PLPP4: variants seen among roughly 807,000 people sequenced by gnomAD.
PLPP4 encodes the protein phospholipid phosphatase 4.
PLPP4 carries 20 observed loss-of-function variants against 32.2 expected under a neutral mutation model. That is an observed-to-expected ratio of 0.62 (90% CI 0.44 to 0.90). The LOEUF is 0.90. Among genes scored for constraint, PLPP4 ranks in the 40% least tolerant of loss-of-function variants. The pLI is 0.00. For synonymous variants in PLPP4, 127 were observed against 133.0 expected (o/e 0.95, Z 0.31); for missense variants, 257 against 353.1 (o/e 0.73, Z 2.18).
At chr10:120,538,518 G>T (rs2420724) in intron 5 of PLPP4, among the ~76,000 whole-genome samples, 82,032 of 151,780 alleles carry the variant, frequency 0.54, 23,373 homozygotes, top group Non-Finnish European at 0.64. Flanking sequence ...CGTTTTTGGA[G>T]AATGACATTC....
chr10:120,517,441 G>A (rs183153747), intron 3 of PLPP4, among the ~76,000 whole-genome samples: 1 of 152,318 alleles, frequency 6.6e-6, no homozygotes, highest in East Asian at 1.9e-4. Flanking sequence ...TTTGAGGAAG[G>A]AAGGATCTGT....
chr10:120,527,543 G>C (rs1846459713), intron 5 of PLPP4, among the ~76,000 whole-genome samples: 1 of 152,196 alleles, frequency 6.6e-6, no homozygotes, highest in African/African-American at 2.4e-5. Context: ...GTGTTTGACT[G>C]AACAACTGGC....
intron 5 of PLPP4, among the ~76,000 whole-genome samples, chr10:120,543,315 C>T (rs915893422): frequency 9.9e-5 from 15 of 152,172 alleles, no homozygotes; most frequent in African/African-American, 2.9e-4. Context: ...AGAGGAGGGA[C>T]AGAGCCCAGG....
chr10:120,475,411 C>T (rs948643113), intron 1 of PLPP4, among the ~76,000 whole-genome samples: 1 of 152,174 alleles, frequency 6.6e-6, no homozygotes, highest in Non-Finnish European at 1.5e-5. Flanking sequence ...GGGTTCTGCA[C>T]ATTTGGCCTT....
intron 5 of PLPP4, among the ~76,000 whole-genome samples, chr10:120,565,766 A>AT (rs1848666744): frequency 1.3e-5 from 2 of 151,450 alleles, no homozygotes; most frequent in African/African-American, 4.9e-5. Context: ...CTTCTTCTCC[A>AT]TTTTCTCTAT....
intron 1 of PLPP4, among the ~76,000 whole-genome samples, chr10:120,473,811 T>TC (rs1205883936): frequency 1.3e-5 from 2 of 152,168 alleles, no homozygotes; most frequent in East Asian, 3.9e-4. Flanking sequence ...TGTGCTCGCT[T>TC]CCCCTTTGCC....
chr10:120,551,842 CTT>C (rs1847916040), intron 5 of PLPP4, among the ~76,000 whole-genome samples: 1 of 152,144 alleles, frequency 6.6e-6, no homozygotes, highest in East Asian at 1.9e-4. Context: ...TTTTAATGCT[CTT>C]TGCATAAGTT....
intron 1 of PLPP4, among the ~76,000 whole-genome samples, chr10:120,502,491 T>C (rs1453709721): frequency 6.6e-6 from 1 of 152,090 alleles, no homozygotes; most frequent in Non-Finnish European, 1.5e-5. Flanking sequence ...AAGTCCCAAA[T>C]AGATGTTAAC....
At chr10:120,480,494 T>C (rs1403462173) in intron 1 of PLPP4, among the ~76,000 whole-genome samples, 2 of 152,132 alleles carry the variant, frequency 1.3e-5, no homozygotes, top group Non-Finnish European at 2.9e-5. Context: ...TATTGAATAA[T>C]AGAATCAGGA....
chr10:120,579,658 C>A (rs1488451289), intron 6 of PLPP4, among the ~76,000 whole-genome samples: 1 of 152,180 alleles, frequency 6.6e-6, no homozygotes, highest in Non-Finnish European at 1.5e-5. Flanking sequence ...TGGCATTCTA[C>A]AACTCACAGG....
intron 5 of PLPP4, among the ~76,000 whole-genome samples, chr10:120,538,052 C>CTGTGTGTGTGTGTG (rs972974599): frequency 0.026 from 501 of 18,974 alleles, 48 homozygotes; most frequent in Middle Eastern, 0.091. Flanking sequence ...CTCTCTCTCT[C>CTGTGTGTGTGTGTG]TGTGTGTGTG....
intron 6 of PLPP4, 38 bp downstream of exon 6, chr10:120,575,339 G>T (rs1254381837): frequency 2.1e-5 from 33 of 1,593,542 alleles, no homozygotes; most frequent in Non-Finnish European, 2.8e-5. Context: ...TCCTCACTGT[G>T]GTTGCCCCTC....
Position 120,575,212 on chromosome 10 carries a change from G to T in PLPP4, c.527G>T (p.Ser176Ile). The T allele has an allele frequency of 6.2e-7, 1 of 1,614,090 alleles. No individual in the cohort carries two copies. Among genetic ancestry groups the T allele is most frequent in the Non-Finnish European group, 8.5e-7 (1 of 1,180,046 alleles). The change falls in exon 6 of 7, where the codon AGC becomes ATC. Residue 176 changes from serine (S) to isoleucine (I), a missense_variant. By Grantham distance (142) the Ser-to-Ile change is moderately radical. Transcript: ENST00000398250. Reference sequence around the variant, plus strand: ...TTCACCGAGAGTGGGCGGGGAAAGAGCTGGCGGCTCTGTGCTGCCATCCTG... The same window carrying T: ...TTCACCGAGAGTGGGCGGGGAAAGATCTGGCGGCTCTGTGCTGCCATCCTG... ...HCFTESGRGKSWRLCAAILPL... is the reference protein window; with the variant it reads ...HCFTESGRGKIWRLCAAILPL...
intron 5 of PLPP4, among the ~76,000 whole-genome samples, chr10:120,534,182 T>G (rs1213747726): frequency 2.6e-5 from 4 of 152,108 alleles, no homozygotes; most frequent in Non-Finnish European, 4.4e-5. Context: ...TAGTTTTTGT[T>G]TCTCTGGGAA....
Position 120,563,806 on chromosome 10 carries a change from CAAAAAAAAA to C in PLPP4, c.446-11302_446-11294del, listed in dbSNP as rs139746974. On this transcript the variant is annotated intron_variant, in intron 5 of 6. Transcript: ENST00000398250. The stretch of plus-strand genomic sequence containing the variant: ...TGGGCGACAGAGCGAGACTCCGTCT[CAAAAAAAAA>C]AAAAAAAAAAAAAAAAAAAAAATCT... 6.9e-5 allele frequency among the ~76,000 whole-genome samples: 6 copies of C among 86,464 alleles called. No homozygotes were observed. The South Asian group carries it at 1.7e-3, about 25-fold the overall frequency. 56.7% of individuals were successfully genotyped at this position (86,464 alleles called of 152,430 possible). A position where few individuals can be genotyped will look rare whatever the true frequency, so the allele number is the denominator to read the frequency against.
In PLPP4 at chr10:120,548,776, C is replaced by T. The variant is rs564792716; in HGVS notation, c.446-26355C>T. Among the ~76,000 whole-genome samples the T allele has an allele frequency of 2.6e-5, 4 of 152,104 alleles. No homozygotes were observed. The South Asian group carries it at 8.3e-4, about 32-fold the overall frequency. ...TTTTAATAGTAACCACTCTGACTGT[C>T]ATGAAATGGTATCTCTTGGTGGCTT... On this transcript the variant is annotated intron_variant, in intron 5 of 6. Transcript: ENST00000398250.
At chr10:120,567,474 G>A (rs1006392511) in intron 5 of PLPP4, among the ~76,000 whole-genome samples, 1 of 152,168 alleles carries the variant, frequency 6.6e-6, no homozygotes, top group Non-Finnish European at 1.5e-5. Context: ...TTGTTGAGGG[G>A]GACACCACAC....
intron 3 of PLPP4, among the ~76,000 whole-genome samples, chr10:120,514,865 T>A (rs1436631820): frequency 6.6e-6 from 1 of 152,160 alleles, no homozygotes; most frequent in African/African-American, 2.4e-5. Context: ...TTTGGTGTGT[T>A]ATATGGACTT....
intron 5 of PLPP4, among the ~76,000 whole-genome samples, chr10:120,574,168 ACTCTCTCTCTCTCTCTCT>A (rs58917160): frequency 0.013 from 611 of 46,994 alleles, 4 homozygotes; most frequent in South Asian, 0.027. Flanking sequence ...ACACACACAC[ACTCTCTCTCTCTCTCTCT>A]CTCTCTCTCT....
Sources: allele counts gnomAD v4.1 joint callset (sites outside exome capture counted in the v4.1 genomes callset), GRCh38; gene constraint gnomAD v4.1.1; transcripts MANE v1.5; gene names NCBI Gene and HGNC (gene_info 2026-07-23, HGNC 2026-07-21).